Variants in PRMT9 observed in about 807,000 individuals in gnomAD.
PRMT9 encodes protein arginine methyltransferase 9, also known as protein arginine N-methyltransferase 9.
Under a neutral mutation model 83.2 loss-of-function variants are expected in PRMT9, and 59 were observed. The observed-to-expected ratio is 0.71, with a 90% confidence interval of 0.57 to 0.88. The LOEUF (loss-of-function observed/expected upper bound fraction) is 0.88. Ranked by LOEUF, PRMT9 falls within the 40% of genes least tolerant of loss-of-function variation. The pLI is 0.00. For missense variants in PRMT9, 947 were observed against 1,021.9 expected, an observed-to-expected ratio of 0.93 and a Z score of 1.00; for synonymous variants, 333 against 353.2, an observed-to-expected ratio of 0.94 and a Z score of 0.64.
intron 6 of PRMT9, among the ~76,000 whole-genome samples, chr4:147,663,133 C>G (rs893637507): frequency 6.6e-6 from 1 of 151,532 alleles, no homozygotes; most frequent in Non-Finnish European, 1.5e-5. Flanking sequence ...CTCAGCCTCC[C>G]GAGTGGCTGG....
At chr4:147,646,506 A>G (rs933481536) in intron 9 of PRMT9, among the ~76,000 whole-genome samples, 4 of 152,142 alleles carry the variant, frequency 2.6e-5, no homozygotes, top group African/African-American at 9.7e-5. Context: ...AGTCTTAGGA[A>G]CCATTTCTAT....
At chr4:147,652,854 G>A (rs1197521546) in intron 9 of PRMT9, among the ~76,000 whole-genome samples, 1 of 152,076 alleles carries the variant, frequency 6.6e-6, no homozygotes, top group East Asian at 1.9e-4. Context: ...AAATGAGTAA[G>A]TATATTCATG....
At chr4:147,641,031 A>C (rs557838722) in intron 10 of PRMT9, among the ~76,000 whole-genome samples, 2 of 152,270 alleles carry the variant, frequency 1.3e-5, no homozygotes, top group East Asian at 3.9e-4. Flanking sequence ...AAATATATTG[A>C]GGATCTCACC....
chr4:147,683,432 C>G (rs922721660), intron 1 of PRMT9, among the ~76,000 whole-genome samples: 4 of 152,144 alleles, frequency 2.6e-5, no homozygotes, highest in Non-Finnish European at 5.9e-5. Flanking sequence ...GACTGAAGCT[C>G]GAACCAGGGT....
Position 147,673,694 on chromosome 4 carries a change from T to G in PRMT9, c.519A>C (p.Ala173=). The part of the protein sequence containing the change: ...NTIYNAAIQK[A]VCLGSKSVLD... ...AAACACTTTTGGACCCCAAACAAAC[T>G]GCCTTTTGGATTGCTGCATTATAAA... The change falls in exon 3 of 12, where the codon GCA becomes GCC. Residue 173 remains alanine (A), a synonymous_variant. Transcript: ENST00000322396. The G allele has an allele frequency of 1.2e-6, 2 of 1,614,128 alleles. No homozygotes were observed. The highest frequency in any genetic ancestry group is 2.2e-5 in the South Asian group (2 of 91,074).
rs759855439 is a variant in PRMT9 at position 147,642,957 on chromosome 4, A to G, written c.2046-17T>C. On this transcript the variant is annotated splice_polypyrimidine_tract_variant and intron_variant, in intron 9 of 11. Coordinates refer to ENST00000322396, the MANE Select transcript of PRMT9 (RefSeq NM_138364.4). ...AGTAAACACCTAAGAAAAAAAGTAC[A>G]TATTTTAAAAAGCTCTTGGGGCAGG... 3 of 1,612,996 alleles carry G rather than the reference A, an allele frequency of 1.9e-6. No homozygotes were observed. The highest frequency in any genetic ancestry group is 2.2e-5 in the South Asian group (2 of 91,046).
At chr4:147,648,855 C>T (rs1733908753) in intron 9 of PRMT9, among the ~76,000 whole-genome samples, 1 of 152,020 alleles carries the variant, frequency 6.6e-6, no homozygotes, top group Non-Finnish European at 1.5e-5. Context: ...CCCTCCCTAC[C>T]CTTAGGTTGG....
chr4:147,675,378 C>T (rs758507232), intron 2 of PRMT9, among the ~76,000 whole-genome samples: 2 of 152,134 alleles, frequency 1.3e-5, no homozygotes, highest in Non-Finnish European at 2.9e-5. Context: ...AAACAATGGT[C>T]CTATGTCAAA....
At chr4:147,648,543 A>C (rs948237130) in intron 9 of PRMT9, among the ~76,000 whole-genome samples, 7 of 152,210 alleles carry the variant, frequency 4.6e-5, no homozygotes, top group African/African-American at 1.7e-4. Flanking sequence ...ATGGGCAAAC[A>C]TAAGTAAAGT....
At chr4:147,670,609 T>G in intron 5 of PRMT9, 32 bp downstream of exon 5, 1 of 1,262,316 alleles carries the variant, frequency 7.9e-7, no homozygotes, top group Non-Finnish European at 1.2e-6. Flanking sequence ...AACGAATTCT[T>G]AATCAGTTGT....
intron 1 of PRMT9, among the ~76,000 whole-genome samples, 188 bp downstream of exon 1, chr4:147,683,611 C>CT (rs538532267): frequency 6.6e-6 from 1 of 150,852 alleles, no homozygotes; most frequent in African/African-American, 2.4e-5. Flanking sequence ...GCCCCTCCGC[C>CT]TTTTTTCTTT....
intron 10 of PRMT9, among the ~76,000 whole-genome samples, chr4:147,640,681 G>A (rs1273549771): frequency 6.6e-6 from 1 of 152,012 alleles, no homozygotes; most frequent in African/African-American, 2.4e-5. Flanking sequence ...AAAAAAAGGA[G>A]TCCTCTTTCA....
At chr4:147,682,746 G>A (rs1736572738) in intron 1 of PRMT9, among the ~76,000 whole-genome samples, 1 of 152,232 alleles carries the variant, frequency 6.6e-6, no homozygotes, top group South Asian at 2.1e-4. Context: ...CCTACCAAGA[G>A]AAGCAAACTG....
At chr4:147,653,764 A>T in intron 9 of PRMT9, 88 bp downstream of exon 9, 1 of 882,284 alleles carries the variant, frequency 1.1e-6, no homozygotes, top group Non-Finnish European at 1.8e-6. Context: ...TTATTTTTAC[A>T]GTTAAGCGAT....
chr4:147,683,722 T>C, intron 1 of PRMT9, 77 bp downstream of exon 1: 1 of 1,277,126 alleles, frequency 7.8e-7, no homozygotes, highest in East Asian at 2.7e-5. Flanking sequence ...CCCCTCCGCT[T>C]TTTTTTTTTT....
At chr4:147,653,770 G>T in intron 9 of PRMT9, 82 bp downstream of exon 9, 1 of 933,404 alleles carries the variant, frequency 1.1e-6, no homozygotes, top group East Asian at 2.5e-5. Context: ...TTACAGTTAA[G>T]CGATTAAAGA....
chr4:147,678,803 G>A (rs1217139698), intron 2 of PRMT9, among the ~76,000 whole-genome samples: 3 of 152,142 alleles, frequency 2.0e-5, no homozygotes, highest in Non-Finnish European at 2.9e-5. Flanking sequence ...ACTCACCGTG[G>A]GAATGAAGTG....
At chr4:147,661,517 G>A (rs1025034762) in intron 6 of PRMT9, among the ~76,000 whole-genome samples, 4 of 152,086 alleles carry the variant, frequency 2.6e-5, no homozygotes, top group Non-Finnish European at 5.9e-5. Flanking sequence ...CAGGCCAGGC[G>A]CGGTGGCTCA....
Position 147,673,787 on chromosome 4 carries a change from A to G in PRMT9, c.426T>C (p.Tyr142=). Residue 142 remains tyrosine (Y), a synonymous_variant, in exon 3 of 12, where the codon TAT becomes TAC. Transcript: ENST00000322396. ...PDFSDAKENF[Y]RVANWLVERW... The stretch of plus-strand genomic sequence containing the variant: ...GTTCCACCAACCAGTTTGCAACACG[A>G]TAAAAATTCTCCTTTGCATCACTGA... 6.2e-7 allele frequency: 1 copy of G among 1,614,204 alleles called. No individual in the cohort carries two copies. Among genetic ancestry groups the G allele is most frequent in the Non-Finnish European group, 8.5e-7 (1 of 1,180,016 alleles).
Sources: gnomAD v4.1 joint callset for allele counts (sites outside exome capture counted in the v4.1 genomes callset) on GRCh38, gnomAD v4.1.1 for gene constraint, MANE v1.5 for transcripts, NCBI Gene and HGNC (gene_info 2026-07-23, HGNC 2026-07-21) for gene names.